The following GET3 variants were observed in gnomAD, a reference collection of about 807,000 sequenced individuals.
The protein encoded by GET3 is guided entry of tail-anchored proteins factor 3, ATPase.
In GET3, 15 loss-of-function variants were observed where a neutral mutation model predicts 32.4. The observed-to-expected ratio is 0.46, with a 90% CI of 0.31 to 0.71. The LOEUF (loss-of-function observed/expected upper bound fraction) is 0.71, where lower values mean the gene tolerates loss of function less well. GET3 is among the 30% of genes least tolerant of loss of function. The pLI is 0.05. For missense variants in GET3, 333 were observed against 459.0 expected (o/e 0.73, Z 2.51); for synonymous variants, 198 against 185.6 (o/e 1.07, Z -0.54).
intron 1 of GET3, 97 bp downstream of exon 1, chr19:12,737,763 G>A: frequency 7.0e-7 from 1 of 1,434,626 alleles, no homozygotes; most frequent in Non-Finnish European, 9.1e-7. Context: ...CCGGGGCATG[G>A]GGGCTGGCGG....
intron 2 of GET3, among the ~76,000 whole-genome samples, chr19:12,740,376 G>A (rs564984178): frequency 7.0e-6 from 1 of 143,328 alleles, no homozygotes; most frequent in South Asian, 2.2e-4. Flanking sequence ...GCAACACTCT[G>A]TCTCAAAAAA....
intron 2 of GET3, among the ~76,000 whole-genome samples, chr19:12,743,466 T>G (rs1040754890): frequency 6.9e-6 from 1 of 144,186 alleles, no homozygotes; most frequent in African/African-American, 2.6e-5. Flanking sequence ...AGAGTGAAAC[T>G]CCATCTCAGA....
At chr19:12,744,250 G>A (rs1370525171) in intron 2 of GET3, among the ~76,000 whole-genome samples, 3 of 151,072 alleles carry the variant, frequency 2.0e-5, no homozygotes, top group Non-Finnish European at 4.4e-5. Flanking sequence ...GAGGCATTGA[G>A]TCTGAGACTG....
chr19:12,744,312 G>A (rs1967729177), intron 2 of GET3, among the ~76,000 whole-genome samples: 1 of 151,402 alleles, frequency 6.6e-6, no homozygotes, highest in Non-Finnish European at 1.5e-5. Context: ...ATACATGTTT[G>A]TGTTTTGTTT....
chr19:12,745,853 C>CAA lies in GET3; in HGVS notation c.609+94_609+95insAA. The CAA allele has an allele frequency of 6.9e-7, 1 of 1,445,752 alleles. No individual in the cohort carries two copies. The highest frequency in any genetic ancestry group is 2.3e-5 in the Admixed American group (1 of 44,122). The allele number at this position is 1,445,752 out of a possible 1,614,324, so 89.6% of individuals were successfully genotyped here. On this transcript the variant is annotated intron_variant, in intron 4 of 6. Coordinates refer to ENST00000357332, the MANE Select transcript of GET3 (RefSeq NM_004317.4). This position sits in a 1 kb window ranked among gnomAD's most constrained non-coding sequence, Gnocchi z 5.0. ...ACCCTCAAATGCGCACTAACAATTC[C>CAA]CTTTCCTTCCCACCCCTTCTCACTC...
Position 12,748,155 on chromosome 19 carries a change from C to T in GET3, c.*51C>T. On this transcript the variant is annotated 3_prime_UTR_variant, in exon 7 of 7. Coordinates refer to ENST00000357332, the MANE Select transcript of GET3 (RefSeq NM_004317.4). ...CATTTCACACTCACCCTCCACCCTC[C>T]CCACCCCCTCGGGGCAGAGTTTGCA... 6.6e-7 allele frequency: 1 copy of T among 1,516,770 alleles called. No homozygotes were observed. 94.0% of individuals were successfully genotyped at this position (1,516,770 alleles called of 1,614,324 possible).
In GET3 at chr19:12,745,277, C is replaced by T; in HGVS notation, c.310-100C>T. 1.4e-6 allele frequency: 2 copies of T among 1,435,768 alleles called. No homozygotes were observed. Among genetic ancestry groups the T allele is most frequent in the South Asian group, 1.3e-5 (1 of 78,664 alleles). 88.9% of individuals were successfully genotyped at this position (1,435,768 alleles called of 1,614,324 possible). On this transcript the variant is annotated intron_variant, in intron 2 of 6. Transcript: ENST00000357332. The surrounding 1 kb of genome is among the most constrained non-coding windows in gnomAD (Gnocchi z 5.0). The stretch of plus-strand genomic sequence containing the variant: ...ACAGCCCACCACAGGCTCCCTCTGG[C>T]CCTGTGCCCGGGTAGGAAGGCTCCC...
intron 2 of GET3, among the ~76,000 whole-genome samples, chr19:12,739,750 A>G (rs1000033355): frequency 6.6e-6 from 1 of 152,070 alleles, no homozygotes; most frequent in East Asian, 1.9e-4. Flanking sequence ...GTGGCATTTA[A>G]AGCTGTGTGA....
At position 12,747,644 on chromosome 19, in the gene GET3, T is replaced by TTC; in HGVS notation, c.915+56_915+57dup. The TTC allele has an allele frequency of 6.4e-7, 1 of 1,572,288 alleles. No homozygotes were observed. Among genetic ancestry groups the TTC allele is most frequent in the Non-Finnish European group, 8.6e-7 (1 of 1,158,054 alleles). ...CAGCAGAGGCACCTCTGCCCCTTTA[T>TTC]TCTCTGATCTTTTGCTCCACCATCT... On this transcript the variant is annotated intron_variant, in intron 6 of 6. Transcript: ENST00000357332. This position sits in a 1 kb window ranked among gnomAD's most constrained non-coding sequence, Gnocchi z 4.0.
chr19:12,747,416 G>A lies in GET3; in HGVS notation c.739G>A (p.Val247Ile), dbSNP rs780011838. ...KDPEQTTFIC[V>I]CIAEFLSLYE... ...GTAGGAGCAGACAACTTTCATCTGC[G>A]TATGCATTGCTGAGTTCCTGTCCCT... Residue 247 changes from valine (V) to isoleucine (I), a missense_variant, in exon 6 of 7, where the codon GTA (valine) becomes ATA (isoleucine). Val to Ile is a conservative substitution (Grantham distance 29). Coordinates refer to ENST00000357332, the MANE Select transcript of GET3 (RefSeq NM_004317.4). The surrounding 1 kb of genome is among the most constrained non-coding windows in gnomAD (Gnocchi z 4.0). 38 of 1,613,922 alleles carry A rather than the reference G, an allele frequency of 2.4e-5. No individual in the cohort carries two copies. Among genetic ancestry groups the A allele is most frequent in the East Asian group, 1.6e-4 (7 of 44,896 alleles).
chr19:12,745,445 C>T lies in GET3; in HGVS notation c.378C>T (p.Ser126=). Residue 126 remains serine (S), a synonymous_variant, in exon 3 of 7, where the codon AGC becomes AGT. Transcript: ENST00000357332. The surrounding 1 kb of genome is among the most constrained non-coding windows in gnomAD (Gnocchi z 5.0). ...TCTTCGAGGAGGACAACATGCTGAG[C>T]ATGGGCAAGAAGATGATGCAGGAGG... The part of the protein sequence containing the change: ...DEFFEEDNML[S]MGKKMMQEAM... 1 of 1,613,082 alleles carries T rather than the reference C, an allele frequency of 6.2e-7. No individual in the cohort carries two copies. The highest frequency in any genetic ancestry group is 1.1e-5 in the South Asian group (1 of 91,090).
At position 12,745,395 on chromosome 19, in the gene GET3, G is replaced by A; in HGVS notation, c.328G>A (p.Gly110Ser). 1.2e-6 allele frequency: 2 copies of A among 1,611,200 alleles called. No individual in the cohort carries two copies. Among genetic ancestry groups the A allele is most frequent in the Non-Finnish European group, 1.7e-6 (2 of 1,179,978 alleles). ...CCCCCAGGAGATTGACCCCAGCCTG[G>A]GCGTGGCGGAGCTGCCTGACGAGTT... ...LFAMEIDPSL[G>S]VAELPDEFFE... Residue 110 changes from glycine to serine, a missense_variant, in exon 3 of 7, where the codon GGC becomes AGC. By Grantham distance (56) the Gly-to-Ser change is moderately conservative (BLOSUM62 0). Coordinates refer to ENST00000357332, the MANE Select transcript of GET3 (RefSeq NM_004317.4). This position sits in a 1 kb window ranked among gnomAD's most constrained non-coding sequence, Gnocchi z 5.0.
Position 12,745,383 on chromosome 19 carries a change from G to T in GET3, c.316G>T (p.Asp106Tyr). Residue 106 changes from aspartate to tyrosine, a missense_variant, in exon 3 of 7, where the codon GAC (aspartate) becomes TAC (tyrosine). Asp to Tyr is a radical substitution (Grantham distance 160). Around this residue, in one of 3 missense-constraint regions of GET3, gnomAD observed 230 missense variants for 389.2 expected, o/e 0.59. Transcript: ENST00000357332. The surrounding 1 kb of genome is among the most constrained non-coding windows in gnomAD (Gnocchi z 5.0). ...TCATCCCTTTGGCCCCCAGGAGATT[G>T]ACCCCAGCCTGGGCGTGGCGGAGCT... ...GYDNLFAMEI[D>Y]PSLGVAELPD... The T allele has an allele frequency of 1.9e-6, 3 of 1,609,932 alleles. No individual in the cohort carries two copies. Among genetic ancestry groups the T allele is most frequent in the South Asian group, 1.1e-5 (1 of 91,058 alleles).
chr19:12,744,120 G>A (rs547310268), intron 2 of GET3, among the ~76,000 whole-genome samples: 5 of 149,656 alleles, frequency 3.3e-5, no homozygotes, highest in Non-Finnish European at 7.4e-5. Flanking sequence ...GGAGGCTGAG[G>A]CAGGAGAATT....
Position 12,748,041 on chromosome 19 carries a change from A to G in GET3, c.984A>G (p.Ala328=). 6.2e-7 allele frequency: 1 copy of G among 1,612,404 alleles called. No homozygotes were observed. The highest frequency in any genetic ancestry group is 8.5e-7 in the Non-Finnish European group (1 of 1,178,800). Residue 328 remains alanine (A), a synonymous_variant, in exon 7 of 7, where the codon GCA becomes GCG. Transcript: ENST00000357332. ...LPLLPHEVRG[A]DKVNTFSALL... is the part of the protein sequence containing the mutation. ...TGTTACCCCATGAGGTGCGGGGGGC[A>G]GACAAGGTCAACACCTTCTCGGCCC...
chr19:12,739,908 T>G (rs1345456164), intron 2 of GET3, among the ~76,000 whole-genome samples: 1 of 152,032 alleles, frequency 6.6e-6, no homozygotes, highest in Non-Finnish European at 1.5e-5. Context: ...TAGCTGGGCA[T>G]GGTGGCAGGT....
rs1380754279 is a variant in GET3 at position 12,737,526 on chromosome 19, G to C, written c.21G>C (p.Gly7=). 6.4e-7 allele frequency: 1 copy of C among 1,571,724 alleles called. No individual in the cohort carries two copies. Among genetic ancestry groups the C allele is most frequent in the Non-Finnish European group, 8.6e-7 (1 of 1,160,698 alleles). The change falls in exon 1 of 7, where the codon GGG becomes GGC. Residue 7 remains glycine, a synonymous_variant. Coordinates refer to ENST00000357332, the MANE Select transcript of GET3 (RefSeq NM_004317.4). MAAGVA[G]WGVEAEEFED... is the part of the protein sequence containing the mutation. Reference sequence around the variant, plus strand: ...CCAAAATGGCGGCAGGGGTGGCCGGGTGGGGGGTTGAGGCAGAGGAGTTCG... The same window carrying C: ...CCAAAATGGCGGCAGGGGTGGCCGGCTGGGGGGTTGAGGCAGAGGAGTTCG...
intron 2 of GET3, 54 bp downstream of exon 2, chr19:12,738,712 T>C (rs903125791): frequency 2.9e-5 from 46 of 1,610,158 alleles, no homozygotes; most frequent in Non-Finnish European, 3.4e-5. Flanking sequence ...TTCCAGCCTT[T>C]CTTGTGCGCA....
chr19:12,737,268 T>G (rs1967586221), upstream of GET3: 1 of 512,276 alleles, frequency 2.0e-6, no homozygotes, highest in East Asian at 3.8e-5. Context: ...GGGAGTAGCC[T>G]AGACCGTACC....
Sources: gnomAD v4.1 joint callset for allele counts (sites outside exome capture counted in the v4.1 genomes callset) on GRCh38, gnomAD v4.1.1 for gene constraint, gnomAD v4.1.1 regional missense constraint, Gnocchi (gnomAD v3.1) non-coding constraint, MANE v1.5 for transcripts, NCBI Gene and HGNC (gene_info 2026-07-23, HGNC 2026-07-21) for gene names.